Variants in KLF11 observed in about 807,000 individuals in gnomAD.
KLF11 encodes KLF transcription factor 11.
In KLF11, 26 loss-of-function variants were observed where a neutral mutation model predicts 29.9. That is an observed-to-expected ratio of 0.87 (90% CI 0.64 to 1.21). KLF11 has a LOEUF of 1.21. Among genes scored for constraint, KLF11 ranks in the 50% most tolerant of loss-of-function variants. The pLI is 0.00. For synonymous variants in KLF11, 318 were observed against 257.4 expected, an observed-to-expected ratio of 1.24 and a Z score of -2.25; for missense variants, 778 against 665.7, an observed-to-expected ratio of 1.17 and a Z score of -1.86.
rs543584444 is a variant in KLF11 at position 10,052,764 on chromosome 2, A to T, written c.*257A>T. ...AAATGGTAGAAAATTTGATAATCTG[A>T]ATCACCAGCATTCAAACAAATATTT... is the stretch of plus-strand genomic sequence containing the variant. On this transcript the variant is annotated 3_prime_UTR_variant, in exon 4 of 4. Coordinates refer to ENST00000305883, the MANE Select transcript of KLF11 (RefSeq NM_003597.5). 2 of 481,980 alleles carry T rather than the reference A, an allele frequency of 4.1e-6. No homozygotes were observed. Among genetic ancestry groups the T allele is most frequent in the Non-Finnish European group, 7.3e-6 (2 of 272,948 alleles). 29.9% of individuals were successfully genotyped at this position (481,980 alleles called of 1,614,324 possible).
rs1339867879 is a variant in KLF11 at position 10,047,712 on chromosome 2, C to G, written c.375C>G (p.Pro125=). Residue 125 remains proline (P), a synonymous_variant, in exon 3 of 4, where the codon CCC becomes CCG. Coordinates refer to ENST00000305883, the MANE Select transcript of KLF11 (RefSeq NM_003597.5). ...VEPSTRTPVS[P]QVTDSKACTA... The stretch of plus-strand genomic sequence containing the variant: ...CATCGACAAGGACACCTGTTTCTCC[C>G]CAAGTAACAGATTCCAAAGCATGTA... 3 of 1,613,512 alleles carry G rather than the reference C, an allele frequency of 1.9e-6. No individual in the cohort carries two copies. The highest frequency in any genetic ancestry group is 2.5e-6 in the Non-Finnish European group (3 of 1,180,024).
intron 3 of KLF11, among the ~76,000 whole-genome samples, chr2:10,051,496 C>G (rs931621976): frequency 1.5e-5 from 2 of 137,550 alleles, no homozygotes; most frequent in Non-Finnish European, 3.2e-5. Context: ...CGTGAGCCAC[C>G]GTGCCCAGCT....
chr2:10,053,230 A>T lies in KLF11; in HGVS notation c.*723A>T, dbSNP rs1661460831. The T allele has an allele frequency of 2.5e-6, 1 of 398,660 alleles. No individual in the cohort carries two copies. Among genetic ancestry groups the T allele is most frequent in the Admixed American group, 4.4e-5 (1 of 22,710 alleles). The allele number at this position is 398,660 out of a possible 1,614,324, so 24.7% of individuals were successfully genotyped here. On this transcript the variant is annotated 3_prime_UTR_variant, in exon 4 of 4. Transcript: ENST00000305883. ...GTCCATGGTGTGTCATGAAGGATGT[A>T]CCCCAGAGAGTAACATGAGCCACTG... is the stretch of plus-strand genomic sequence containing the variant.
chr2:10,044,595 T>A (rs1187275796), intron 1 of KLF11: 1 of 208,782 alleles, frequency 4.8e-6, no homozygotes, highest in Admixed American at 6.5e-5. Flanking sequence ...GATGCTTTGG[T>A]GCATGGCAGA....
intron 1 of KLF11, among the ~76,000 whole-genome samples, 180 bp from the exon 2 acceptor site, chr2:10,045,970 C>T (rs993275131): frequency 6.6e-6 from 1 of 152,248 alleles, no homozygotes; most frequent in African/African-American, 2.4e-5. Context: ...GCTTAAAAGC[C>T]GAATTGTCAT....
At position 10,052,377 on chromosome 2, in the gene KLF11, C is replaced by T. The variant is rs984884246; in HGVS notation, c.1409C>T (p.Thr470Met). ...CGTTTCATGCGCAGTGACCACCTGA[C>T]GAAGCATGCCCGGCGCCACATGACG... ...DRRFMRSDHL[T>M]KHARRHMTTK... The change falls in exon 4 of 4, where the codon ACG becomes ATG. Residue 470 changes from threonine (T) to methionine (M), a missense_variant. Physicochemically the swap from Thr to Met is moderately conservative, Grantham distance 81 (BLOSUM62 -1). Coordinates refer to ENST00000305883, the MANE Select transcript of KLF11 (RefSeq NM_003597.5). 9.3e-6 allele frequency: 15 copies of T among 1,613,980 alleles called. No individual in the cohort carries two copies. The highest frequency in any genetic ancestry group is 2.2e-5 in the East Asian group (1 of 44,896).
chr2:10,050,363 C>T (rs1354293482), intron 3 of KLF11, among the ~76,000 whole-genome samples: 3 of 148,038 alleles, frequency 2.0e-5, no homozygotes, highest in Non-Finnish European at 3.0e-5. Flanking sequence ...ATGGAGATTG[C>T]GCCATTACAC....
Position 10,047,640 on chromosome 2 carries a change from T to A in KLF11, c.313-10T>A. On this transcript the variant is annotated splice_polypyrimidine_tract_variant and intron_variant, in intron 2 of 3. Transcript: ENST00000305883. ...AAAGCAACCTTTTAACATGGTACTT[T>A]TTTTTTTAGTGCATAACTCCTCCTC... is the stretch of plus-strand genomic sequence containing the variant. The A allele has an allele frequency of 6.2e-7, 1 of 1,609,844 alleles. No individual in the cohort carries two copies. The highest frequency in any genetic ancestry group is 8.5e-7 in the Non-Finnish European group (1 of 1,177,824).
At chr2:10,043,837 G>A in intron 1 of KLF11, 79 bp downstream of exon 1, 2 of 1,284,142 alleles carry the variant, frequency 1.6e-6, no homozygotes, top group Non-Finnish European at 1.0e-6. Flanking sequence ...GCACTCGCGC[G>A]CCTGTAAATG....
intron 1 of KLF11, among the ~76,000 whole-genome samples, chr2:10,045,363 C>T (rs555637300): frequency 6.6e-6 from 1 of 152,030 alleles, no homozygotes; most frequent in South Asian, 2.1e-4. Flanking sequence ...AGTTCAAGGC[C>T]AGCTTGACCA....
Position 10,053,622 on chromosome 2 carries a change from G to A in KLF11, c.*1115G>A, listed in dbSNP as rs890640086. ...GAAATGCAAGTTACGCTAAATGGCAGTAATACTACCCAACTGCCTTTCTGT... is the reference window on the plus strand; with the variant it reads ...GAAATGCAAGTTACGCTAAATGGCAATAATACTACCCAACTGCCTTTCTGT... On this transcript the variant is annotated 3_prime_UTR_variant, in exon 4 of 4. Transcript: ENST00000305883. 1 of 392,346 alleles carries A rather than the reference G, an allele frequency of 2.5e-6. No individual in the cohort carries two copies. Among genetic ancestry groups the A allele is most frequent in the African/African-American group, 2.1e-5 (1 of 48,506 alleles). 24.3% of individuals were successfully genotyped at this position (392,346 alleles called of 1,614,324 possible). A position where few individuals can be genotyped will look rare whatever the true frequency, so the allele number is the denominator to read the frequency against.
At chr2:10,049,642 A>C (rs1456167423) in intron 3 of KLF11, among the ~76,000 whole-genome samples, 2 of 152,212 alleles carry the variant, frequency 1.3e-5, no homozygotes, top group South Asian at 4.2e-4. Flanking sequence ...ATCTCTACTT[A>C]CTGAAACCCT....
At chr2:10,050,727 CTG>C (rs931224169) in intron 3 of KLF11, among the ~76,000 whole-genome samples, 4 of 151,774 alleles carry the variant, frequency 2.6e-5, no homozygotes, top group East Asian at 3.9e-4. Flanking sequence ...AAATAAATAA[CTG>C]TAAGAGTTCT....
chr2:10,047,549 G>A, intron 2 of KLF11, 101 bp from the exon 3 acceptor site: 11 of 1,013,340 alleles, frequency 1.1e-5, no homozygotes, highest in Non-Finnish European at 1.7e-5. Context: ...GGTTAACTGA[G>A]TGTCTAGATG....
intron 3 of KLF11, among the ~76,000 whole-genome samples, chr2:10,049,137 G>A (rs891170493): frequency 1.3e-5 from 2 of 152,112 alleles, no homozygotes; most frequent in African/African-American, 2.4e-5. Context: ...TCTCTCTGTT[G>A]TCTAACCAGC....
chr2:10,048,680 G>GTTCTC, intron 3 of KLF11, 85 bp downstream of exon 3: 1 of 1,034,790 alleles, frequency 9.7e-7, no homozygotes, highest in Non-Finnish European at 1.5e-6. Flanking sequence ...GCTGGGAGGG[G>GTTCTC]ATCATGAGAA....
rs1429019815 is a variant in KLF11, at chr2:10,044,257, A to G, written c.42+499A>G. The stretch of plus-strand genomic sequence containing the variant: ...CGGGCAAGGTCTAGGGGCCGGGGCA[A>G]CGACGGGAGGCGGGAGCGCCGCACT... On this transcript the variant is annotated intron_variant, in intron 1 of 3. Transcript: ENST00000305883. The G allele has an allele frequency of 1.0e-5, 10 of 979,952 alleles. No individual in the cohort carries two copies. The East Asian group carries it at 8.0e-4, about 78-fold the overall frequency. 60.7% of individuals were successfully genotyped at this position (979,952 alleles called of 1,614,324 possible).
intron 2 of KLF11, among the ~76,000 whole-genome samples, chr2:10,047,283 T>A (rs1470500852): frequency 6.6e-6 from 1 of 152,216 alleles, no homozygotes; most frequent in Non-Finnish European, 1.5e-5. Context: ...CTAACAGAAG[T>A]GGAAATTGTG....
chr2:10,044,339 C>T (rs902386637), intron 1 of KLF11: 195 of 984,728 alleles, frequency 2.0e-4, no homozygotes, highest in South Asian at 2.4e-4. Context: ...GCGTTGGGGG[C>T]CCTAAGCGTC....
Sources: gnomAD v4.1 joint callset for allele counts (sites outside exome capture counted in the v4.1 genomes callset) on GRCh38, gnomAD v4.1.1 for gene constraint, MANE v1.5 for transcripts, NCBI Gene and HGNC (gene_info 2026-07-23, HGNC 2026-07-21) for gene names.